THADA: variants seen among roughly 807,000 people sequenced by gnomAD.
THADA encodes the protein THADA armadillo repeat containing, also known as tRNA (32-2'-O)-methyltransferase regulator THADA.
THADA carries 213 observed loss-of-function variants against 219.8 expected under a neutral mutation model. The ratio of observed to expected loss-of-function variants is 0.97; its 90% CI spans 0.87 to 1.09. The LOEUF (loss-of-function observed/expected upper bound fraction) is 1.09. Ranked by LOEUF, THADA falls within the 50% of genes least tolerant of loss-of-function variation. The pLI, the probability that THADA is intolerant of heterozygous loss-of-function variation, is 0.00. For synonymous variants in THADA, 1,018 were observed against 828.9 expected (o/e 1.23, Z -3.92); for missense variants, 2,956 against 2,311.3 (o/e 1.28, Z -5.72).
intron 20 of THADA, among the ~76,000 whole-genome samples, chr2:43,547,567 TTTTA>T (rs1262037975): frequency 3.9e-5 from 6 of 152,204 alleles, no homozygotes; most frequent in Admixed American, 2.6e-4. Flanking sequence ...GTTCATTTCT[TTTTA>T]TTCTTTTTTC....
chr2:43,542,236 G>T (rs975327769), intron 20 of THADA, among the ~76,000 whole-genome samples: 2 of 152,042 alleles, frequency 1.3e-5, no homozygotes, highest in African/African-American at 4.8e-5. Context: ...CATTAAATGG[G>T]TAAGTGTACA....
At chr2:43,571,191 G>C (rs1380174109) in intron 13 of THADA, among the ~76,000 whole-genome samples, 1 of 152,132 alleles carries the variant, frequency 6.6e-6, no homozygotes, top group Non-Finnish European at 1.5e-5. Flanking sequence ...GGGAGGTTGA[G>C]GGTACAGTGA....
chr2:43,465,532 C>T (rs1684131894), intron 26 of THADA, among the ~76,000 whole-genome samples: 1 of 152,060 alleles, frequency 6.6e-6, no homozygotes, highest in Non-Finnish European at 1.5e-5. Context: ...CAGACACTTT[C>T]CAGAAAAACA....
chr2:43,594,616 T>G (rs959211367), intron 1 of THADA, among the ~76,000 whole-genome samples: 2 of 151,870 alleles, frequency 1.3e-5, no homozygotes, highest in Admixed American at 6.6e-5. Flanking sequence ...AATAAATAAA[T>G]ACTTGAGATT....
At chr2:43,571,641 CTT>C (rs960061606) in intron 13 of THADA, 64 bp downstream of exon 13, 93 of 1,534,614 alleles carry the variant, frequency 6.1e-5, no homozygotes, top group South Asian at 3.3e-4. Flanking sequence ...AATCTGGGCT[CTT>C]TTTAAAAACG....
chr2:43,402,313 A>C (rs1451598376), intron 28 of THADA, among the ~76,000 whole-genome samples: 2 of 152,200 alleles, frequency 1.3e-5, no homozygotes, highest in Non-Finnish European at 2.9e-5. Context: ...TGGCACAGAA[A>C]AGTGAAGTGG....
intron 10 of THADA, among the ~76,000 whole-genome samples, chr2:43,576,214 A>G (rs1277595225): frequency 6.6e-6 from 1 of 152,252 alleles, no homozygotes; most frequent in Non-Finnish European, 1.5e-5. Flanking sequence ...ATTGCATAAT[A>G]TAGCTCAAAT....
chr2:43,392,612 T>C (rs568710782), intron 29 of THADA, among the ~76,000 whole-genome samples: 65 of 152,232 alleles, frequency 4.3e-4, no homozygotes, highest in African/African-American at 1.5e-3. Flanking sequence ...ATGTGTCCCA[T>C]CCAGCCCAAC....
chr2:43,256,645 T>C (rs1040197385), intron 36 of THADA, among the ~76,000 whole-genome samples: 2 of 151,758 alleles, frequency 1.3e-5, no homozygotes, highest in Non-Finnish European at 2.9e-5. Context: ...GAGTATGTTA[T>C]GTTGCCCAGG....
intron 30 of THADA, among the ~76,000 whole-genome samples, chr2:43,322,673 T>A (rs566688163): frequency 5.7e-4 from 72 of 127,220 alleles, no homozygotes; most frequent in African/African-American, 2.0e-3. Context: ...CACATTCTAT[T>A]CTTTTTTTTT....
intron 26 of THADA, among the ~76,000 whole-genome samples, chr2:43,484,721 A>G (rs561570556): frequency 5.6e-4 from 86 of 152,236 alleles, no homozygotes; most frequent in Non-Finnish European, 1.0e-3. Flanking sequence ...ATAAAACTAA[A>G]GACCAAAAGT....
chr2:43,588,688 T>C (rs1373821724), intron 4 of THADA, among the ~76,000 whole-genome samples: 1 of 152,084 alleles, frequency 6.6e-6, no homozygotes, highest in Non-Finnish European at 1.5e-5. Context: ...ATTGATAGTA[T>C]CCAATGTTGG....
At chr2:43,305,524 T>C (rs1174133908) in intron 31 of THADA, among the ~76,000 whole-genome samples, 1 of 152,214 alleles carries the variant, frequency 6.6e-6, no homozygotes. Context: ...TACTTTTCCT[T>C]GTCCCAGCAT....
At chr2:43,457,733 T>A (rs1683187438) in intron 26 of THADA, among the ~76,000 whole-genome samples, 1 of 152,228 alleles carries the variant, frequency 6.6e-6, no homozygotes, top group African/African-American at 2.4e-5. Context: ...CTAACACTTT[T>A]TTCTTTTGTC....
chr2:43,381,086 C>A (rs190442513), intron 29 of THADA, among the ~76,000 whole-genome samples: 3 of 107,870 alleles, frequency 2.8e-5, no homozygotes, highest in Admixed American at 1.3e-4. Context: ...CGAGACAGAG[C>A]GAGACTTTGT....
At chr2:43,297,268 A>T (rs767605606) in intron 31 of THADA, among the ~76,000 whole-genome samples, 2 of 93,456 alleles carry the variant, frequency 2.1e-5, no homozygotes, top group Non-Finnish European at 4.1e-5. Context: ...CTGCCCGGCC[A>T]CCCCGTCTGA....
intron 26 of THADA, among the ~76,000 whole-genome samples, chr2:43,440,012 T>C (rs1207179810): frequency 6.6e-6 from 1 of 152,238 alleles, no homozygotes; most frequent in Non-Finnish European, 1.5e-5. Flanking sequence ...TTTCCTTTTT[T>C]ATTTATTAGA....
intron 26 of THADA, among the ~76,000 whole-genome samples, chr2:43,456,122 G>T (rs997978089): frequency 1.3e-5 from 2 of 152,062 alleles, no homozygotes; most frequent in African/African-American, 4.8e-5. Flanking sequence ...AATATTTGAG[G>T]TATATAAATA....
chr2:43,510,534 A>C (rs1252821221), intron 22 of THADA, among the ~76,000 whole-genome samples: 1 of 152,114 alleles, frequency 6.6e-6, no homozygotes, highest in Non-Finnish European at 1.5e-5. Flanking sequence ...CTCTATTAAT[A>C]ATATTGCCAG....
Sources: allele counts gnomAD v4.1 joint callset (sites outside exome capture counted in the v4.1 genomes callset), GRCh38; gene constraint gnomAD v4.1.1; transcripts MANE v1.5; gene names NCBI Gene and HGNC (gene_info 2026-07-23, HGNC 2026-07-21).